The following CHIC2 variants were observed in gnomAD, a reference collection of about 807,000 sequenced individuals.
The protein encoded by CHIC2 is cysteine rich hydrophobic domain 2, also known as cysteine-rich hydrophobic domain-containing protein 2.
Under a neutral mutation model 25.9 loss-of-function variants are expected in CHIC2, and 14 were observed. The observed-to-expected ratio is 0.54, with a 90% CI of 0.36 to 0.85. The LOEUF (loss-of-function observed/expected upper bound fraction) is 0.85. Among genes scored for constraint, CHIC2 ranks in the 40% least tolerant of loss-of-function variants. CHIC2 has a pLI of 0.01. For synonymous variants in CHIC2, 70 were observed against 72.0 expected (o/e 0.97, Z 0.14); for missense variants, 146 against 202.0 (o/e 0.72, Z 1.68).
rs111712447 is a variant in CHIC2 at position 54,032,848 on chromosome 4, C to T, written c.330+16107G>A. On this transcript the variant is annotated intron_variant, in intron 3 of 5. Coordinates refer to ENST00000263921, the MANE Select transcript of CHIC2 (RefSeq NM_012110.4). ...ACATTTAGTATAGTCTTTTAAAGAG[C>T]TGGGGTATGTGTCCCCTCTAAATCT... Among the ~76,000 whole-genome samples the T allele has an allele frequency of 8.4e-3, 1,280 of 152,248 alleles. 7 individuals are homozygous for T. Among genetic ancestry groups the T allele is most frequent in the Non-Finnish European group, 0.012 (826 of 68,004 alleles).
At chr4:54,013,224 T>C (rs1715642873) in intron 5 of CHIC2, among the ~76,000 whole-genome samples, 1 of 152,076 alleles carries the variant, frequency 6.6e-6, no homozygotes, top group African/African-American at 2.4e-5. Flanking sequence ...AGTCAGTAAA[T>C]TAAATCCCAT....
At chr4:54,034,297 G>A (rs1337428186) in intron 3 of CHIC2, among the ~76,000 whole-genome samples, 2 of 151,902 alleles carry the variant, frequency 1.3e-5, no homozygotes, top group South Asian at 2.1e-4. Flanking sequence ...CCAGCTACTC[G>A]GGAGGCTAAG....
intron 1 of CHIC2, among the ~76,000 whole-genome samples, chr4:54,058,619 A>G (rs1717247355): frequency 6.6e-6 from 1 of 151,596 alleles, no homozygotes; most frequent in Non-Finnish European, 1.5e-5. Flanking sequence ...AGATACCTGA[A>G]GGATACTTAA....
chr4:54,074,781 C>T, the CHIC2 span, among the ~76,000 whole-genome samples: 3 of 151,980 alleles, frequency 2.0e-5, no homozygotes, highest in Non-Finnish European at 4.4e-5. Flanking sequence ...CTCTTCTTAA[C>T]CTGAGTGACT....
chr4:54,061,381 C>T (rs1166734929), intron 1 of CHIC2, among the ~76,000 whole-genome samples: 1 of 152,070 alleles, frequency 6.6e-6, no homozygotes, highest in Non-Finnish European at 1.5e-5. Flanking sequence ...TTGTAAAGGG[C>T]TACTCAAAAG....
At chr4:54,088,383 A>C in the CHIC2 span, among the ~76,000 whole-genome samples, 2 of 152,350 alleles carry the variant, frequency 1.3e-5, no homozygotes, top group South Asian at 4.1e-4. Flanking sequence ...TTTTCTGAAA[A>C]AGTTGATATT....
the CHIC2 span, among the ~76,000 whole-genome samples, chr4:54,085,272 C>A: frequency 1.3e-5 from 2 of 152,204 alleles, no homozygotes; most frequent in Admixed American, 1.3e-4. Flanking sequence ...TTGTAGGTTA[C>A]TATGATAAAT....
chr4:54,079,486 A>G, the CHIC2 span, among the ~76,000 whole-genome samples: 2 of 152,164 alleles, frequency 1.3e-5, no homozygotes, highest in Non-Finnish European at 2.9e-5. Context: ...GAAAACCCAC[A>G]GAATAGAAGA....
intron 3 of CHIC2, among the ~76,000 whole-genome samples, chr4:54,038,842 C>T (rs1011398574): frequency 5.9e-5 from 9 of 151,658 alleles, no homozygotes; most frequent in African/African-American, 1.9e-4. Context: ...GGCAACACAG[C>T]AAGACCCTGT....
intron 3 of CHIC2, among the ~76,000 whole-genome samples, chr4:54,045,883 T>C (rs527582070): frequency 5.0e-3 from 767 of 152,086 alleles, no homozygotes; most frequent in African/African-American, 0.017. Flanking sequence ...GATGACATGA[T>C]TGTATATCTA....
chr4:54,062,290 G>A (rs189021815), intron 1 of CHIC2, among the ~76,000 whole-genome samples: 1 of 152,010 alleles, frequency 6.6e-6, no homozygotes, highest in African/African-American at 2.4e-5. Context: ...ACCTGGAATA[G>A]TTTTCAATCT....
At chr4:54,090,048 T>G in the CHIC2 span, among the ~76,000 whole-genome samples, 1 of 152,170 alleles carries the variant, frequency 6.6e-6, no homozygotes, top group Admixed American at 6.5e-5. Context: ...TAGGGTCCTC[T>G]TCCAAGATAT....
intron 1 of CHIC2, among the ~76,000 whole-genome samples, chr4:54,056,479 G>T (rs1010864867): frequency 1.3e-5 from 2 of 152,034 alleles, no homozygotes; most frequent in African/African-American, 4.8e-5. Context: ...ATTTATAATT[G>T]AGCAGTTTAG....
upstream of CHIC2, among the ~76,000 whole-genome samples, chr4:54,069,557 G>A (rs372675376): frequency 6.6e-6 from 1 of 152,142 alleles, no homozygotes; most frequent in Non-Finnish European, 1.5e-5. Flanking sequence ...GCTTCATTAC[G>A]TAGGCATGAT....
At chr4:54,077,243 T>C in the CHIC2 span, among the ~76,000 whole-genome samples, 13 of 151,432 alleles carry the variant, frequency 8.6e-5, no homozygotes, top group South Asian at 1.5e-3. Context: ...CCTTCAGTTC[T>C]TTTTTTCTAG....
chr4:54,067,317 TG>T (rs1717538034), upstream of CHIC2, among the ~76,000 whole-genome samples: 4 of 152,012 alleles, frequency 2.6e-5, no homozygotes, highest in Admixed American at 6.5e-5. Flanking sequence ...TGTGTGTGTG[TG>T]TGTGTTTTCT....
the CHIC2 span, among the ~76,000 whole-genome samples, chr4:54,085,486 A>T: frequency 1.3e-5 from 2 of 152,234 alleles, 1 homozygote; most frequent in Admixed American, 1.3e-4. Context: ...CAAACAGAGT[A>T]ATACAATGAC....
rs144009513 is a variant in CHIC2 at position 54,055,326 on chromosome 4, C to T, written c.120-6021G>A. ...AGGGAGACTGGCAATTCACTCCAGTCGTGTAGGTGGCAAAATAGGGCCAAA... is the reference window on the plus strand; with the variant it reads ...AGGGAGACTGGCAATTCACTCCAGTTGTGTAGGTGGCAAAATAGGGCCAAA... On this transcript the variant is annotated intron_variant, in intron 1 of 5. Transcript: ENST00000263921. 2.8e-3 allele frequency among the ~76,000 whole-genome samples: 427 copies of T among 151,936 alleles called. 1 individual carries two copies. Among genetic ancestry groups the T allele is most frequent in the Non-Finnish European group, 5.3e-3 (360 of 67,986 alleles).
intron 5 of CHIC2, among the ~76,000 whole-genome samples, chr4:54,010,357 C>A (rs1421473448): frequency 6.6e-6 from 1 of 151,974 alleles, no homozygotes; most frequent in African/African-American, 2.4e-5. Flanking sequence ...ACACGAAATA[C>A]CTTGGCTCTA....
Sources: gnomAD v4.1 joint callset for allele counts (sites outside exome capture counted in the v4.1 genomes callset) on GRCh38, gnomAD v4.1.1 for gene constraint, MANE v1.5 for transcripts, NCBI Gene and HGNC (gene_info 2026-07-23, HGNC 2026-07-21) for gene names.